The following NOL9 variants were observed in gnomAD, a reference collection of about 807,000 sequenced individuals.
NOL9 encodes nucleolar protein 9.
NOL9 carries 28 observed loss-of-function variants against 67.9 expected under a neutral mutation model. The ratio of observed to expected loss-of-function variants is 0.41; its 90% CI spans 0.31 to 0.57. The LOEUF is 0.57. Ranked by LOEUF, NOL9 falls within the 20% of genes least tolerant of loss-of-function variation. The pLI, the probability that NOL9 is intolerant of heterozygous loss-of-function variation, is 0.25. For missense variants in NOL9, 777 were observed against 897.0 expected (o/e 0.87, Z 1.71); for synonymous variants, 356 against 352.2 (o/e 1.01, Z -0.12).
At chr1:6,528,656 G>A (rs987323428) in intron 10 of NOL9, among the ~76,000 whole-genome samples, 8 of 152,226 alleles carry the variant, frequency 5.3e-5, no homozygotes, top group South Asian at 2.1e-4. Context: ...GAACGCAGAC[G>A]AACAGCTGTG....
At chr1:6,548,613 A>T (rs1265454485) in intron 3 of NOL9, 1 of 375,772 alleles carries the variant, frequency 2.7e-6, no homozygotes, top group Non-Finnish European at 5.2e-6. Context: ...CAGAGTCAGA[A>T]AGCTAAATAA....
chr1:6,531,665 A>G (rs1443436391), intron 9 of NOL9, among the ~76,000 whole-genome samples: 1 of 152,156 alleles, frequency 6.6e-6, no homozygotes, highest in Non-Finnish European at 1.5e-5. Context: ...CAGATGGGAC[A>G]TTCAAACCCA....
chr1:6,554,281 C>G lies in NOL9; in HGVS notation c.222G>C (p.Ala74=), dbSNP rs1241761467. The G allele has an allele frequency of 2.7e-6, 4 of 1,471,612 alleles. No homozygotes were observed. In the Admixed American group the frequency reaches 1.0e-4, roughly 37 times the overall value. The allele number at this position is 1,471,612 out of a possible 1,614,324, so 91.2% of individuals were successfully genotyped here. The change falls in exon 1 of 12, where the codon GCG becomes GCC. Residue 74 remains alanine (A), a synonymous_variant. Transcript: ENST00000377705. ...GGGTCGCGGTGTTGGGTCTCCGGGC[C>G]GCCGCCGCGCGCGACACCTGGCGGG... The part of the protein sequence containing the change: ...EGARQVSRAA[A]ARRPNTATPS...
In NOL9 at chr1:6,527,540, G is replaced by C. The variant is rs553885215; in HGVS notation, c.1826-711C>G. 5.4e-4 allele frequency among the ~76,000 whole-genome samples: 81 copies of C among 149,710 alleles called. 3 individuals are homozygous for C. The South Asian group carries it at 0.016, about 29-fold the overall frequency. ...CGCGCACCTGTAATCCCAGCTACTCGGGAGTCTGAGACACAAGAATCACTT... is the reference window on the plus strand; with the variant it reads ...CGCGCACCTGTAATCCCAGCTACTCCGGAGTCTGAGACACAAGAATCACTT... On this transcript the variant is annotated intron_variant, in intron 10 of 11. Transcript: ENST00000377705.
intron 1 of NOL9, among the ~76,000 whole-genome samples, chr1:6,551,371 G>A (rs1639539606): frequency 6.6e-6 from 1 of 151,936 alleles, no homozygotes; most frequent in Non-Finnish European, 1.5e-5. Flanking sequence ...CTTGAGTGAG[G>A]CCAGGAGTTT....
chr1:6,530,524 C>T (rs947269539), intron 9 of NOL9, among the ~76,000 whole-genome samples: 1 of 152,216 alleles, frequency 6.6e-6, no homozygotes, highest in Non-Finnish European at 1.5e-5. Flanking sequence ...ATAAATCTCA[C>T]ATTCACTTAA....
chr1:6,523,549 A>T lies in NOL9; in HGVS notation c.*2305T>A, dbSNP rs1371306019. The T allele has an allele frequency of 1.5e-5, 2 of 130,954 alleles. No homozygotes were observed. The highest frequency in any genetic ancestry group is 3.1e-5 in the Non-Finnish European group (2 of 64,384). 8.1% of individuals were successfully genotyped at this position (130,954 alleles called of 1,614,324 possible). On this transcript the variant is annotated 3_prime_UTR_variant, in exon 12 of 12. Coordinates refer to ENST00000377705, the MANE Select transcript of NOL9 (RefSeq NM_024654.5). ...AGCCCAGATTGCGCCACTGCACTCC[A>T]GCCTGGGCAACAAGAGCGAAACTCC...
intron 9 of NOL9, among the ~76,000 whole-genome samples, chr1:6,530,662 TTGC>T (rs1280909157): frequency 6.6e-6 from 1 of 152,214 alleles, no homozygotes; most frequent in African/African-American, 2.4e-5. Context: ...AAACATATCC[TTGC>T]TGCCCAGGTC....
At chr1:6,530,729 A>G (rs977541354) in intron 9 of NOL9, among the ~76,000 whole-genome samples, 4 of 152,210 alleles carry the variant, frequency 2.6e-5, no homozygotes, top group Non-Finnish European at 5.9e-5. Flanking sequence ...ACAATGCCCA[A>G]TGCTCAAAGC....
At chr1:6,531,908 C>G (rs1180502837) in intron 9 of NOL9, 60 bp downstream of exon 9, 2 of 1,370,688 alleles carry the variant, frequency 1.5e-6, no homozygotes, top group Non-Finnish European at 2.1e-6. Flanking sequence ...GCCCAGCACA[C>G]AGAAAACCAC....
In NOL9 at chr1:6,541,830, C is replaced by T; in HGVS notation, c.1075G>A (p.Gly359Arg). The T allele has an allele frequency of 5.1e-6, 8 of 1,568,188 alleles. No homozygotes were observed. The highest frequency in any genetic ancestry group is 7.0e-6 in the Non-Finnish European group (8 of 1,149,886). ...CATTTGAGAAATATGTAATACATAC[C>T]CAGAACTGGTTCTGTAATATTAAGC... ...SLLNITEPVL[G>R]PPFTHLRTPQ... Residue 359 changes from glycine to arginine, a missense_variant and splice_region_variant, in exon 6 of 12, where the codon GGA becomes AGA. Transcript: ENST00000377705.
At chr1:6,551,711 T>C (rs894745994) in intron 1 of NOL9, among the ~76,000 whole-genome samples, 3 of 152,180 alleles carry the variant, frequency 2.0e-5, no homozygotes, top group Non-Finnish European at 2.9e-5. Context: ...GAAGCCGTTA[T>C]CTTCAGCAAA....
chr1:6,535,243 A>G (rs1228214868), intron 6 of NOL9, among the ~76,000 whole-genome samples: 1 of 152,228 alleles, frequency 6.6e-6, no homozygotes, highest in Non-Finnish European at 1.5e-5. Context: ...TAGAAACAAT[A>G]ACACACCAGA....
At chr1:6,529,295 T>C in intron 9 of NOL9, 124 bp from the exon 10 acceptor site, 2 of 869,962 alleles carry the variant, frequency 2.3e-6, no homozygotes, top group Non-Finnish European at 3.5e-6. Flanking sequence ...AAAGTATCTC[T>C]AAAGAATAAA....
In NOL9 at chr1:6,554,459, G is replaced by A; in HGVS notation, c.44C>T (p.Ser15Phe). Residue 15 changes from serine (S) to phenylalanine (F), a missense_variant, in exon 1 of 12, where the codon TCC becomes TTC. Ser to Phe is a radical substitution (Grantham distance 155, BLOSUM62 -2). This residue lies in a region of NOL9 where 364 missense variants were observed against 344.4 expected (regional missense o/e 1.06). Coordinates refer to ENST00000377705, the MANE Select transcript of NOL9 (RefSeq NM_024654.5). ...GLLLKRGSCR[S>F]TWLRVRKARP... ...GGCCTTGCGGACCCGCAGCCAAGTG[G>A]AACGGCAGGAACCCCGCTTTAGCAG... 1 of 1,551,098 alleles carries A rather than the reference G, an allele frequency of 6.4e-7. No homozygotes were observed.
At chr1:6,543,995 G>A (rs950859976) in intron 5 of NOL9, among the ~76,000 whole-genome samples, 3 of 151,998 alleles carry the variant, frequency 2.0e-5, no homozygotes, top group East Asian at 1.9e-4. Flanking sequence ...GTATGGTGGC[G>A]CACGCCTGTA....
At chr1:6,536,341 G>A (rs937381446) in intron 6 of NOL9, among the ~76,000 whole-genome samples, 10 of 128,710 alleles carry the variant, frequency 7.8e-5, no homozygotes, top group Middle Eastern at 3.5e-3. Context: ...GCGAGACTCC[G>A]TCTCAAATAA....
intron 6 of NOL9, among the ~76,000 whole-genome samples, chr1:6,539,347 TA>T (rs1207016877): frequency 6.6e-6 from 1 of 152,210 alleles, no homozygotes; most frequent in African/African-American, 2.4e-5. Context: ...GATATTTGAA[TA>T]CCCATGTTCA....
intron 11 of NOL9, among the ~76,000 whole-genome samples, chr1:6,526,493 C>T (rs2274553): frequency 0.76 from 115,799 of 152,038 alleles, 46,323 homozygotes; most frequent in Non-Finnish European, 0.87. Flanking sequence ...GCCCAGATCG[C>T]GACACTGACA....
Sources: gnomAD v4.1 joint callset for allele counts (sites outside exome capture counted in the v4.1 genomes callset) on GRCh38, gnomAD v4.1.1 for gene constraint, gnomAD v4.1.1 regional missense constraint, MANE v1.5 for transcripts, NCBI Gene and HGNC (gene_info 2026-07-23, HGNC 2026-07-21) for gene names.